Variants in SERTM1 observed in about 807,000 individuals in gnomAD.
The protein encoded by SERTM1 is serine rich and transmembrane domain containing 1.
SERTM1 carries 1 observed loss-of-function variant against 5.5 expected under a neutral mutation model. The ratio of observed to expected loss-of-function variants is 0.18; its 90% confidence interval spans 0.06 to 0.86. The LOEUF is 0.86. Among genes scored for constraint, SERTM1 ranks in the 40% least tolerant of loss-of-function variants. The pLI, the probability that SERTM1 is intolerant of heterozygous loss-of-function variation, is 0.69. For synonymous variants in SERTM1, 52 were observed against 55.1 expected, an observed-to-expected ratio of 0.94 and a Z score of 0.25; for missense variants, 91 against 122.4, an observed-to-expected ratio of 0.74 and a Z score of 1.21.
chr13:36,684,127 G>T (rs1027890623), intron 1 of SERTM1, among the ~76,000 whole-genome samples: 1 of 152,028 alleles, frequency 6.6e-6, no homozygotes, highest in African/African-American at 2.4e-5. Context: ...GTGAAACCCC[G>T]TCTCTACTAA....
In SERTM1 at chr13:36,695,562, T is replaced by C. The variant is rs2056808164; in HGVS notation, c.*160T>C. On this transcript the variant is annotated 3_prime_UTR_variant, in exon 2 of 2. Coordinates refer to ENST00000315190, the MANE Select transcript of SERTM1 (RefSeq NM_203451.3). ...TCTTTTCTGTTCATGATGCTTTTCA[T>C]TTGGGGATGGAGACACCGATGTTGG... The C allele has an allele frequency of 3.1e-6, 2 of 643,426 alleles. No individual in the cohort carries two copies. The highest frequency in any genetic ancestry group is 5.5e-5 in the East Asian group (2 of 36,544). 39.9% of individuals were successfully genotyped at this position (643,426 alleles called of 1,614,324 possible).
chr13:36,692,767 A>G (rs540306874), intron 1 of SERTM1, among the ~76,000 whole-genome samples: 17 of 152,330 alleles, frequency 1.1e-4, no homozygotes, highest in Non-Finnish European at 2.1e-4. Context: ...GATAGGAACT[A>G]ATTATCCAAA....
intron 1 of SERTM1, among the ~76,000 whole-genome samples, chr13:36,688,509 A>T (rs9547644): frequency 6.6e-6 from 1 of 152,104 alleles, no homozygotes; most frequent in Admixed American, 6.6e-5. Flanking sequence ...CACCATGCCC[A>T]GCCTGAGAAT....
At chr13:36,679,600 G>A (rs898318026) in intron 1 of SERTM1, among the ~76,000 whole-genome samples, 3 of 152,064 alleles carry the variant, frequency 2.0e-5, no homozygotes, top group African/African-American at 7.2e-5. Context: ...TAGAGATGGG[G>A]TTTCACCATG....
intron 1 of SERTM1, among the ~76,000 whole-genome samples, chr13:36,688,597 A>G (rs2056757545): frequency 6.6e-6 from 1 of 152,214 alleles, no homozygotes; most frequent in Admixed American, 6.5e-5. Flanking sequence ...AACCAATTTT[A>G]GCTGATCTGA....
At chr13:36,680,172 C>CA (rs942114412) in intron 1 of SERTM1, among the ~76,000 whole-genome samples, 3 of 152,126 alleles carry the variant, frequency 2.0e-5, no homozygotes, top group African/African-American at 7.2e-5. Context: ...CTCCTCAAGG[C>CA]AAAACTGTCG....
intron 1 of SERTM1, among the ~76,000 whole-genome samples, chr13:36,691,956 A>T (rs1566231893): frequency 6.6e-6 from 1 of 152,218 alleles, no homozygotes; most frequent in Non-Finnish European, 1.5e-5. Context: ...TTAAAACTTC[A>T]ATAAGGAAAC....
At chr13:36,693,816 G>A (rs1267419358) in intron 1 of SERTM1, among the ~76,000 whole-genome samples, 1 of 152,178 alleles carries the variant, frequency 6.6e-6, no homozygotes, top group African/African-American at 2.4e-5. Flanking sequence ...GAAATGTACA[G>A]CAAAATTATC....
Position 36,695,482 on chromosome 13 carries a change from A to G in SERTM1, c.*80A>G, listed in dbSNP as rs2138102448. ...GTGTCCCGTGAGGCATTGCCTCATGAAAGAAATGATCCTTTTGGTGTAGAC... is the reference window on the plus strand; with the variant it reads ...GTGTCCCGTGAGGCATTGCCTCATGGAAGAAATGATCCTTTTGGTGTAGAC... On this transcript the variant is annotated 3_prime_UTR_variant, in exon 2 of 2. Transcript: ENST00000315190. 1 of 995,272 alleles carries G rather than the reference A, an allele frequency of 1.0e-6. No homozygotes were observed. The highest frequency in any genetic ancestry group is 2.4e-5 in the East Asian group (1 of 41,714). 61.7% of individuals were successfully genotyped at this position (995,272 alleles called of 1,614,324 possible). A position where few individuals can be genotyped will look rare whatever the true frequency, so the allele number is the denominator to read the frequency against.
chr13:36,687,802 A>C (rs1272075532), intron 1 of SERTM1, among the ~76,000 whole-genome samples: 1 of 152,172 alleles, frequency 6.6e-6, no homozygotes, highest in East Asian at 1.9e-4. Flanking sequence ...ATTTACAGGA[A>C]CAGAGACCAA....
chr13:36,677,766 T>A (rs779569798), intron 1 of SERTM1, among the ~76,000 whole-genome samples: 1 of 152,230 alleles, frequency 6.6e-6, no homozygotes, highest in African/African-American at 2.4e-5. Context: ...TGATTAGAAG[T>A]ACCTGGTAAT....
intron 1 of SERTM1, among the ~76,000 whole-genome samples, chr13:36,677,640 A>T (rs927604298): frequency 6.6e-6 from 1 of 152,208 alleles, no homozygotes; most frequent in African/African-American, 2.4e-5. Context: ...GATGACTGAA[A>T]CCACAGTTAA....
rs185474773 is a variant in SERTM1 at position 36,697,281 on chromosome 13, A to G, written c.*1879A>G. On this transcript the variant is annotated 3_prime_UTR_variant, in exon 2 of 2. Coordinates refer to ENST00000315190, the MANE Select transcript of SERTM1 (RefSeq NM_203451.3). ...ATTCTCTGAATATATGTATATATAC[A>G]TATATATACGCACACACACACACAC... The G allele has an allele frequency of 2.1e-5, 2 of 94,582 alleles. No individual in the cohort carries two copies. The highest frequency in any genetic ancestry group is 5.1e-5 in the Non-Finnish European group (2 of 39,466). The allele number at this position is 94,582 out of a possible 1,614,324, so 5.9% of individuals were successfully genotyped here.
At chr13:36,684,600 G>T (rs960280810) in intron 1 of SERTM1, among the ~76,000 whole-genome samples, 15 of 151,994 alleles carry the variant, frequency 9.9e-5, no homozygotes, top group Admixed American at 9.8e-4. Context: ...ACTTGGGGAT[G>T]CCCTCACTAC....
chr13:36,688,964 A>T (rs552599037), intron 1 of SERTM1, among the ~76,000 whole-genome samples: 1 of 152,186 alleles, frequency 6.6e-6, no homozygotes, highest in Non-Finnish European at 1.5e-5. Flanking sequence ...TATGTTAGCC[A>T]AGATGGGTCC....
chr13:36,679,926 T>C (rs2056693043), intron 1 of SERTM1, among the ~76,000 whole-genome samples: 1 of 152,176 alleles, frequency 6.6e-6, no homozygotes, highest in Non-Finnish European at 1.5e-5. Context: ...CACACAACTT[T>C]GTTTCATGCA....
chr13:36,690,994 C>A (rs1244035598), intron 1 of SERTM1, among the ~76,000 whole-genome samples: 9 of 152,302 alleles, frequency 5.9e-5, no homozygotes, highest in Non-Finnish European at 1.5e-5. Flanking sequence ...CAACAAAAAC[C>A]TTTCAAATAG....
At chr13:36,680,973 G>GA (rs1329387884) in intron 1 of SERTM1, among the ~76,000 whole-genome samples, 5 of 152,110 alleles carry the variant, frequency 3.3e-5, no homozygotes, top group Non-Finnish European at 2.9e-5. Flanking sequence ...TACGATGAAT[G>GA]AAAAAAGAGA....
intron 1 of SERTM1, among the ~76,000 whole-genome samples, chr13:36,687,815 A>G (rs988738023): frequency 1.3e-5 from 2 of 152,154 alleles, no homozygotes; most frequent in African/African-American, 4.8e-5. Context: ...GAGACCAACA[A>G]AAAGGTTCTC....
Sources: gnomAD v4.1 joint callset for allele counts (sites outside exome capture counted in the v4.1 genomes callset) on GRCh38, gnomAD v4.1.1 for gene constraint, MANE v1.5 for transcripts, NCBI Gene and HGNC (gene_info 2026-07-23, HGNC 2026-07-21) for gene names.